Variants in NLGN4X observed in about 807,000 individuals in gnomAD.
NLGN4X encodes the protein neuroligin 4 X-linked.
NLGN4X carries 3 observed loss-of-function variants against 40.3 expected under a neutral mutation model. That is an observed-to-expected ratio of 0.07 (90% CI 0.03 to 0.19). The LOEUF (loss-of-function observed/expected upper bound fraction) is 0.19. NLGN4X is among the 10% of genes least tolerant of loss of function. The probability of loss-of-function intolerance (pLI) is 1.00; values close to 1 mark genes in which losing one functional copy is unlikely to be tolerated. For missense variants in NLGN4X, 382 were observed against 708.3 expected, an observed-to-expected ratio of 0.54 and a Z score of 5.23; for synonymous variants, 270 against 306.8, an observed-to-expected ratio of 0.88 and a Z score of 1.25.
intron 2 of NLGN4X, among the ~76,000 whole-genome samples, chrX:6,116,391 CTTTTTTTTTTTTTTTTTTTTTTTTT>C (rs1157468420): frequency 7.6e-4 from 17 of 22,290 alleles, no homozygotes; most frequent in East Asian, 1.5e-3. Flanking sequence ...ACCTTTCTTT[CTTTTTTTTTTTTTTTTTTTTTTTTT>C]TTTTTTTTTT....
chrX:5,951,923 T>A (rs1265762662), intron 3 of NLGN4X, among the ~76,000 whole-genome samples: 1 of 112,202 alleles, frequency 8.9e-6, no homozygotes, highest in Non-Finnish European at 1.9e-5. Flanking sequence ...CTTGGAGATA[T>A]CCTCTGCATT....
chrX:6,194,020 A>G (rs1922820392), intron 1 of NLGN4X, among the ~76,000 whole-genome samples: 1 of 111,556 alleles, frequency 9.0e-6, no homozygotes, highest in Non-Finnish European at 1.9e-5. Flanking sequence ...CTGCAAGAAA[A>G]CTTATCTCAA....
chrX:6,056,430 C>T (rs993647566), intron 2 of NLGN4X, among the ~76,000 whole-genome samples: 2 of 109,235 alleles, frequency 1.8e-5, no homozygotes, highest in African/African-American at 3.3e-5. Context: ...GAGCGGGGAT[C>T]GCGCCACTGC....
At chrX:5,956,870 C>T (rs746956477) in intron 3 of NLGN4X, among the ~76,000 whole-genome samples, 1 of 111,874 alleles carries the variant, frequency 8.9e-6, no homozygotes, top group Non-Finnish European at 1.9e-5. Context: ...TAGAAAGCCA[C>T]ATTGAAAGAA....
rs945570517 is a variant in NLGN4X at position 5,897,924 on chromosome X, C to G, written c.1602-4258G>C. On this transcript the variant is annotated intron_variant, in intron 5 of 5. Transcript: ENST00000381095. ...CTCCTCTCCCCCTTCCCTCTTTTCT[C>G]TCTCTTACCCTCCTTTTCCCTGTTT... 4.2e-5 allele frequency among the ~76,000 whole-genome samples: 4 copies of G among 94,359 alleles called. No homozygotes were observed. The South Asian group carries it at 2.8e-3, about 66-fold the overall frequency. 81.9% of individuals were successfully genotyped at this position (94,359 alleles called of 115,157 possible).
chrX:6,210,951 G>T (rs1048844683), intron 1 of NLGN4X, among the ~76,000 whole-genome samples: 3 of 111,887 alleles, frequency 2.7e-5, no homozygotes, highest in Non-Finnish European at 5.6e-5. Context: ...AAATAAAATG[G>T]TTCCTATATT....
rs1724151123 is a variant in NLGN4X at position 5,976,655 on chromosome X, T to C, written c.625+52625A>G. ...AGGCATATTTTCTATCCCTCGAAAG[T>C]TGAACAGAGCACCTCCAATCTCAAC... On this transcript the variant is annotated intron_variant, in intron 3 of 5. Coordinates refer to ENST00000381095, the MANE Select transcript of NLGN4X (RefSeq NM_181332.3). Among the ~76,000 whole-genome samples the C allele has an allele frequency of 3.6e-5, 4 of 110,817 alleles. No individual in the cohort carries two copies. In the Admixed American group the frequency reaches 3.8e-4, roughly 11 times the overall value.
chrX:6,065,906 T>C (rs1003560236), intron 2 of NLGN4X, among the ~76,000 whole-genome samples: 12 of 111,923 alleles, frequency 1.1e-4, no homozygotes, highest in Non-Finnish European at 2.3e-4. Flanking sequence ...GAAATGCATG[T>C]CAAATATGTT....
rs1161221530 is a variant in NLGN4X at position 5,890,253 on chromosome X, AT to A, written c.*2563del. The A allele has an allele frequency of 1.9e-5, 3 of 159,072 alleles. No individual in the cohort carries two copies. Among genetic ancestry groups the A allele is most frequent in the African/African-American group, 3.4e-5 (1 of 29,138 alleles). 13.1% of individuals were successfully genotyped at this position (159,072 alleles called of 1,213,427 possible). ...TTTTTTTTTTTCTTACTTTTTTCTC[AT>A]TTTTTTTCTTTTTTCTCTTTTTTAT... On this transcript the variant is annotated 3_prime_UTR_variant, in exon 6 of 6. Transcript: ENST00000381095.
At chrX:6,141,576 C>T (rs1020398164) in intron 2 of NLGN4X, among the ~76,000 whole-genome samples, 14 of 111,653 alleles carry the variant, frequency 1.3e-4, no homozygotes, top group African/African-American at 4.6e-4. Context: ...GTAATCCCAG[C>T]ACTTTGGGAG....
chrX:6,180,241 C>G (rs1375376997), intron 1 of NLGN4X, among the ~76,000 whole-genome samples: 1 of 111,717 alleles, frequency 9.0e-6, no homozygotes, highest in African/African-American at 3.3e-5. Context: ...AATCTCCTGT[C>G]GAACTGTAAT....
intron 2 of NLGN4X, among the ~76,000 whole-genome samples, chrX:6,036,643 C>CACACACACACACAA (rs1177520572): frequency 4.6e-5 from 5 of 109,322 alleles, no homozygotes; most frequent in African/African-American, 1.7e-4. Context: ...CACACACACA[C>CACACACACACACAA]AGCCCAAATA....
At chrX:5,901,730 TTCTC>T (rs1003261764) in intron 5 of NLGN4X, among the ~76,000 whole-genome samples, 3 of 109,485 alleles carry the variant, frequency 2.7e-5, no homozygotes, top group Non-Finnish European at 5.7e-5. Flanking sequence ...TATTTTCATT[TTCTC>T]TCTCTAGTTA....
chrX:5,895,936 T>G (rs771542600), intron 5 of NLGN4X, among the ~76,000 whole-genome samples: 70 of 112,217 alleles, frequency 6.2e-4, no homozygotes, highest in African/African-American at 2.1e-3. Flanking sequence ...ATTTTAAAAT[T>G]TTCAGTTATT....
chrX:5,909,128 T>C lies in NLGN4X; in HGVS notation c.737A>G (p.Lys246Arg). 1.7e-5 allele frequency: 21 copies of C among 1,211,653 alleles called. No individual in the cohort carries two copies. The highest frequency in any genetic ancestry group is 2.3e-5 in the Non-Finnish European group (21 of 895,517). The change falls in exon 4 of 6, where the codon AAG (lysine) becomes AGG (arginine). Residue 246 changes from lysine (K) to arginine (R), a missense_variant. Lys to Arg is a conservative substitution (Grantham distance 26). Around this residue, in one of 5 missense-constraint regions of NLGN4X, gnomAD observed 32 missense variants for 85.2 expected, o/e 0.38. Transcript: ENST00000381095. ...ENVGAFGGDP[K>R]RVTIFGSGAG... ...CCCCGAGCCAAAGATGGTCACTCTC[T>C]TGGGGTCCCCGCCAAAGGCTCCCAC...
intron 2 of NLGN4X, among the ~76,000 whole-genome samples, chrX:6,044,523 T>C (rs1458386896): frequency 9.0e-6 from 1 of 110,527 alleles, no homozygotes; most frequent in Non-Finnish European, 1.9e-5. Flanking sequence ...ATTGTGGAGG[T>C]TTTTTTATGG....
At chrX:5,992,273 G>A (rs2035703753) in intron 3 of NLGN4X, among the ~76,000 whole-genome samples, 1 of 112,128 alleles carries the variant, frequency 8.9e-6, no homozygotes, top group African/African-American at 3.2e-5. Context: ...TACTCCATAT[G>A]CATTGCTATA....
intron 3 of NLGN4X, among the ~76,000 whole-genome samples, chrX:5,925,914 A>G (rs2033290851): frequency 2.0e-5 from 1 of 51,023 alleles, no homozygotes; most frequent in Non-Finnish European, 3.4e-5. Context: ...ATATATATAT[A>G]TATATATATA....
intron 3 of NLGN4X, among the ~76,000 whole-genome samples, chrX:6,021,705 T>G (rs760649252): frequency 9.0e-6 from 1 of 110,735 alleles, no homozygotes; most frequent in Admixed American, 9.6e-5. Context: ...AAGAAGATGA[T>G]GATGAAAAAC....
Sources: gnomAD v4.1 joint callset for allele counts (sites outside exome capture counted in the v4.1 genomes callset) on GRCh38, gnomAD v4.1.1 for gene constraint, gnomAD v4.1.1 regional missense constraint, MANE v1.5 for transcripts, NCBI Gene and HGNC (gene_info 2026-07-23, HGNC 2026-07-21) for gene names.